SORCS3: variants seen among roughly 807,000 people sequenced by gnomAD.
The protein encoded by SORCS3 is sortilin related VPS10 domain containing receptor 3.
SORCS3 carries 57 observed loss-of-function variants against 146.3 expected under a neutral mutation model. The observed-to-expected ratio is 0.39, with a 90% CI of 0.31 to 0.49. SORCS3 has a LOEUF of 0.49. Among genes scored for constraint, SORCS3 ranks in the 20% least tolerant of loss-of-function variants. SORCS3 has a pLI of 0.92. For missense variants in SORCS3, 1,341 were observed against 1,575.5 expected (o/e 0.85, Z 2.52); for synonymous variants, 653 against 618.5 (o/e 1.06, Z -0.83).
intron 25 of SORCS3, among the ~76,000 whole-genome samples, chr10:105,260,226 G>A (rs1214324252): frequency 1.3e-5 from 2 of 152,148 alleles, no homozygotes; most frequent in African/African-American, 2.4e-5. Context: ...GAAAGGGGAG[G>A]CAGTTGACTC....
chr10:105,174,158 T>C (rs1402991501), intron 13 of SORCS3, among the ~76,000 whole-genome samples: 1 of 152,178 alleles, frequency 6.6e-6, no homozygotes, highest in Admixed American at 6.5e-5. Flanking sequence ...ATCAGTAACA[T>C]TTTGATAAAT....
chr10:105,163,886 A>G (rs1258687768), intron 11 of SORCS3, among the ~76,000 whole-genome samples: 2 of 48,502 alleles, frequency 4.1e-5, no homozygotes, highest in Admixed American at 3.9e-4. Flanking sequence ...ACGCACATAC[A>G]CACACACACA....
intron 1 of SORCS3, among the ~76,000 whole-genome samples, chr10:104,837,620 A>G (rs1216404421): frequency 1.3e-5 from 2 of 152,300 alleles, no homozygotes; most frequent in Non-Finnish European, 2.9e-5. Context: ...CTCATTACAC[A>G]TCTCTGTTTC....
At position 104,986,705 on chromosome 10, in the gene SORCS3, A is replaced by AG. The variant is rs2054964103; in HGVS notation, c.954+9216dup. On this transcript the variant is annotated intron_variant, in intron 4 of 26. Coordinates refer to ENST00000369701, the MANE Select transcript of SORCS3 (RefSeq NM_014978.3). The stretch of plus-strand genomic sequence containing the variant: ...TGAATGTTGTTATGTCTTAGGGAAT[A>AG]GGGGTGCCTGAAGACAGGGAGAGAG... Among the ~76,000 whole-genome samples the AG allele has an allele frequency of 2.6e-5, 4 of 152,310 alleles. No individual in the cohort carries two copies. In the South Asian group the frequency reaches 8.3e-4, roughly 32 times the overall value.
chr10:104,975,378 G>C lies in SORCS3; in HGVS notation c.796-1957G>C, dbSNP rs200444123. On this transcript the variant is annotated intron_variant, in intron 3 of 26. Coordinates refer to ENST00000369701, the MANE Select transcript of SORCS3 (RefSeq NM_014978.3). ...GGGATGTGAAGGACCTCTTCAAGGAGAACTACAAACCACTGCTCAATGAAA... is the reference window on the plus strand; with the variant it reads ...GGGATGTGAAGGACCTCTTCAAGGACAACTACAAACCACTGCTCAATGAAA... 1.4e-4 allele frequency among the ~76,000 whole-genome samples: 21 copies of C among 152,086 alleles called. No homozygotes were observed. The East Asian group carries it at 3.1e-3, about 22-fold the overall frequency.
intron 14 of SORCS3, among the ~76,000 whole-genome samples, chr10:105,186,502 G>T (rs568992349): frequency 7.0e-6 from 1 of 142,718 alleles, no homozygotes; most frequent in South Asian, 2.3e-4. Context: ...TTGACATAAA[G>T]TAGGAAACTG....
intron 1 of SORCS3, among the ~76,000 whole-genome samples, chr10:104,702,580 G>T (rs934598282): frequency 6.6e-6 from 1 of 152,200 alleles, no homozygotes. Flanking sequence ...GAACCACCGT[G>T]CCTGGCAGGA....
intron 1 of SORCS3, among the ~76,000 whole-genome samples, chr10:104,658,744 A>G (rs529135063): frequency 6.6e-6 from 1 of 152,278 alleles, no homozygotes; most frequent in South Asian, 2.1e-4. Flanking sequence ...GATGATGATG[A>G]TGATGGTGAT....
intron 5 of SORCS3, 61 bp from the exon 6 acceptor site, chr10:105,089,714 C>T (rs1156378280): frequency 5.1e-6 from 7 of 1,381,890 alleles, no homozygotes; most frequent in Non-Finnish European, 6.2e-6. Context: ...TGAGTGCATC[C>T]CACTTTGCTG....
chr10:105,073,845 G>A (rs571850924), intron 5 of SORCS3, among the ~76,000 whole-genome samples: 14 of 152,258 alleles, frequency 9.2e-5, no homozygotes, highest in South Asian at 2.1e-4. Context: ...AACCACAGAC[G>A]TTTATTTTCT....
intron 1 of SORCS3, among the ~76,000 whole-genome samples, chr10:104,650,897 G>A (rs2015550844): frequency 6.6e-6 from 1 of 152,142 alleles, no homozygotes; most frequent in African/African-American, 2.4e-5. Flanking sequence ...TTCTCATTCA[G>A]ATGGTTAGAA....
intron 3 of SORCS3, among the ~76,000 whole-genome samples, chr10:104,919,887 A>G (rs945932811): frequency 9.2e-5 from 14 of 152,220 alleles, no homozygotes; most frequent in African/African-American, 3.4e-4. Flanking sequence ...TCAGCTTAGC[A>G]GAAATCCCCC....
chr10:104,776,235 G>A (rs1341341944), intron 1 of SORCS3, among the ~76,000 whole-genome samples: 1 of 152,126 alleles, frequency 6.6e-6, no homozygotes, highest in Non-Finnish European at 1.5e-5. Flanking sequence ...GTCCATGGTG[G>A]TCTGGGGAGG....
chr10:105,070,574 T>C (rs1006918247), intron 5 of SORCS3, among the ~76,000 whole-genome samples: 18 of 152,214 alleles, frequency 1.2e-4, no homozygotes, highest in African/African-American at 4.1e-4. Context: ...ATGGAACCAA[T>C]GTCCCAGCCC....
intron 9 of SORCS3, among the ~76,000 whole-genome samples, chr10:105,152,616 A>G (rs997549510): frequency 6.6e-6 from 1 of 152,214 alleles, no homozygotes; most frequent in Non-Finnish European, 1.5e-5. Flanking sequence ...AAAGTTTGCC[A>G]ATAACTGAAA....
intron 1 of SORCS3, among the ~76,000 whole-genome samples, chr10:104,797,791 C>T (rs747326547): frequency 1.3e-5 from 2 of 152,122 alleles, no homozygotes; most frequent in African/African-American, 2.4e-5. Flanking sequence ...TATTGTCCCC[C>T]TCCCTTTTAA....
intron 14 of SORCS3, among the ~76,000 whole-genome samples, chr10:105,195,757 A>G (rs970203265): frequency 6.6e-6 from 1 of 152,220 alleles, no homozygotes; most frequent in Admixed American, 6.5e-5. Flanking sequence ...GGAATACATT[A>G]ACGTCTGAAA....
intron 4 of SORCS3, among the ~76,000 whole-genome samples, chr10:105,009,429 GA>G (rs1048514494): frequency 1.3e-5 from 2 of 149,578 alleles, no homozygotes; most frequent in Non-Finnish European, 3.0e-5. Context: ...TAGTTGGGGA[GA>G]AAAGGTATTC....
chr10:105,209,914 C>T (rs890350481), intron 16 of SORCS3, among the ~76,000 whole-genome samples: 1 of 152,124 alleles, frequency 6.6e-6, no homozygotes, highest in South Asian at 2.1e-4. Flanking sequence ...TGGTTTTATT[C>T]TGTTCTTTAG....
Sources: allele counts gnomAD v4.1 joint callset (sites outside exome capture counted in the v4.1 genomes callset), GRCh38; gene constraint gnomAD v4.1.1; transcripts MANE v1.5; gene names NCBI Gene and HGNC (gene_info 2026-07-23, HGNC 2026-07-21).